Variants in ABLIM3 observed in about 807,000 individuals in gnomAD.
ABLIM3 encodes actin-binding LIM protein 3.
Under a neutral mutation model 109.5 loss-of-function variants are expected in ABLIM3, and 61 were observed. That is an observed-to-expected ratio of 0.56 (90% CI 0.45 to 0.69). ABLIM3 has a LOEUF of 0.69. Ranked by LOEUF, ABLIM3 falls within the 30% of genes least tolerant of loss-of-function variation. The pLI is 0.00. For missense variants in ABLIM3, 796 were observed against 889.5 expected (o/e 0.89, Z 1.34); for synonymous variants, 300 against 324.8 (o/e 0.92, Z 0.82).
chr5:149,255,653 G>A (rs1198225689), intron 23 of ABLIM3, among the ~76,000 whole-genome samples: 1 of 152,164 alleles, frequency 6.6e-6, no homozygotes, highest in East Asian at 1.9e-4. Flanking sequence ...AGAACTTTCT[G>A]GGCAGAGGGA....
intron 8 of ABLIM3, among the ~76,000 whole-genome samples, chr5:149,222,596 C>T (rs1760764053): frequency 6.6e-6 from 1 of 150,994 alleles, no homozygotes; most frequent in African/African-American, 2.4e-5. Flanking sequence ...GTCTCAAAAG[C>T]TTGTTTTGAT....
intron 8 of ABLIM3, chr5:149,220,145 G>A (rs1253696763): frequency 6.6e-6 from 1 of 152,058 alleles, no homozygotes; most frequent in Admixed American, 6.5e-5. Flanking sequence ...TATCTATTGA[G>A]GATCTACTGT....
In ABLIM3 at chr5:149,169,860, G is replaced by C. The variant is rs536973790; in HGVS notation, c.14-13592G>C. Among the ~76,000 whole-genome samples the C allele has an allele frequency of 2.0e-5, 3 of 152,300 alleles. No homozygotes were observed. In the South Asian group the frequency reaches 6.2e-4, roughly 32 times the overall value. ...TATCAGCATGAAGTGGTCCTGAAAT[G>C]TTTGTTTAATTTAAATTAATGGAAG... is the stretch of plus-strand genomic sequence containing the variant. On this transcript the variant is annotated intron_variant, in intron 2 of 23. Transcript: ENST00000309868.
rs112207566 is a variant in ABLIM3, at chr5:149,155,092, G to T, written c.13+12984G>T. Among the ~76,000 whole-genome samples, 242 of 152,278 alleles carry T rather than the reference G, an allele frequency of 1.6e-3. 1 individual carries two copies. The highest frequency in any genetic ancestry group is 5.7e-3 in the African/African-American group (239 of 41,580). On this transcript the variant is annotated intron_variant, in intron 2 of 23. Coordinates refer to ENST00000309868, the MANE Select transcript of ABLIM3 (RefSeq NM_014945.5). ...GGAAAATGAGATTCAAAGGTAAATT[G>T]CCTGGATAAAGTCACATGAGCTAGG...
At chr5:149,191,146 A>G (rs543167053) in intron 3 of ABLIM3, among the ~76,000 whole-genome samples, 2 of 152,336 alleles carry the variant, frequency 1.3e-5, no homozygotes, top group East Asian at 3.9e-4. Flanking sequence ...GCAAAAGTTG[A>G]TTCTTTAAAA....
chr5:149,183,429 T>C (rs979915687), intron 2 of ABLIM3, 23 bp from the exon 3 acceptor site: 2 of 1,501,414 alleles, frequency 1.3e-6, no homozygotes, highest in Non-Finnish European at 1.8e-6. Flanking sequence ...CTCTGGATAG[T>C]GATCTCTTTG....
At chr5:149,230,728 C>T in intron 9 of ABLIM3, 21 bp downstream of exon 9, 1 of 1,613,508 alleles carries the variant, frequency 6.2e-7, no homozygotes, top group Non-Finnish European at 8.5e-7. Flanking sequence ...TAGTAGATTC[C>T]AGACCAGCAC....
At chr5:149,210,134 A>C (rs1234225736) in intron 6 of ABLIM3, among the ~76,000 whole-genome samples, 1 of 152,162 alleles carries the variant, frequency 6.6e-6, no homozygotes, top group Non-Finnish European at 1.5e-5. Flanking sequence ...AATCATGGCC[A>C]TTCCTCCAGC....
chr5:149,251,928 T>G (rs918447437), intron 21 of ABLIM3, among the ~76,000 whole-genome samples: 3 of 152,224 alleles, frequency 2.0e-5, no homozygotes, highest in African/African-American at 4.8e-5. Flanking sequence ...TCTCAGATTC[T>G]TCTAATTTCT....
In ABLIM3 at chr5:149,200,379, C is replaced by T. The variant is rs376511147; in HGVS notation, c.399C>T (p.Cys133=). The T allele has an allele frequency of 1.9e-4, 300 of 1,614,094 alleles. No homozygotes were observed. The highest frequency in any genetic ancestry group is 2.5e-4 in the Non-Finnish European group (291 of 1,180,042). Residue 133 remains cysteine, a synonymous_variant, in exon 5 of 24, where the codon TGC becomes TGT. Coordinates refer to ENST00000309868, the MANE Select transcript of ABLIM3 (RefSeq NM_014945.5). ...FSGKECVCQT[C]SQSMASSKPI... is the part of the protein sequence containing the mutation. ...GTAAAGAATGTGTGTGCCAAACGTG[C>T]TCCCAGTCCATGGCCAGCAGTAAGC...
chr5:149,242,385 A>G (rs1345171858), intron 14 of ABLIM3, 106 bp from the exon 15 acceptor site: 2 of 1,163,278 alleles, frequency 1.7e-6, no homozygotes, highest in Non-Finnish European at 2.5e-6. Flanking sequence ...GTTGTTGCCC[A>G]TCTCTCTCTT....
At chr5:149,159,943 C>G (rs942039404) in intron 2 of ABLIM3, among the ~76,000 whole-genome samples, 2 of 152,152 alleles carry the variant, frequency 1.3e-5, no homozygotes, top group Admixed American at 1.3e-4. Context: ...ACAAACAGCC[C>G]TCTCCCATCC....
At position 149,207,117 on chromosome 5, in the gene ABLIM3, C is replaced by T. The variant is rs767404149; in HGVS notation, c.558C>T (p.Thr186=). 31 of 1,613,780 alleles carry T rather than the reference C, an allele frequency of 1.9e-5. No homozygotes were observed. Among genetic ancestry groups the T allele is most frequent in the Middle Eastern group, 1.7e-4 (1 of 6,056 alleles). ...FKCQTCSVIL[T]GEYISKDGVP... ...GCCAGACCTGCAGCGTCATCCTCAC[C>T]GGGGAGTATATCAGCAAGTGGGTCC... The change falls in exon 6 of 24, where the codon ACC becomes ACT. Residue 186 remains threonine (T), a synonymous_variant. Transcript: ENST00000309868.
At chr5:149,159,915 A>T (rs1047741859) in intron 2 of ABLIM3, among the ~76,000 whole-genome samples, 1 of 152,044 alleles carries the variant, frequency 6.6e-6, no homozygotes, top group Non-Finnish European at 1.5e-5. Context: ...TCTCATTTGT[A>T]CTTATCCCTG....
chr5:149,173,310 G>T (rs552699128), intron 2 of ABLIM3, among the ~76,000 whole-genome samples: 32 of 152,346 alleles, frequency 2.1e-4, no homozygotes, highest in African/African-American at 7.0e-4. Context: ...ACAAAAAGGG[G>T]CCTCCAGTAG....
chr5:149,162,507 T>G (rs1162843288), intron 2 of ABLIM3, among the ~76,000 whole-genome samples: 1 of 152,230 alleles, frequency 6.6e-6, no homozygotes, highest in Non-Finnish European at 1.5e-5. Context: ...GGATAGAGGC[T>G]TTGCTTCTTC....
intron 23 of ABLIM3, among the ~76,000 whole-genome samples, chr5:149,255,919 T>A (rs1056296892): frequency 6.6e-6 from 1 of 152,202 alleles, no homozygotes; most frequent in Non-Finnish European, 1.5e-5. Flanking sequence ...TTCACCCTCA[T>A]GGTATTCATG....
chr5:149,248,418 G>T (rs978756551), intron 18 of ABLIM3, among the ~76,000 whole-genome samples: 19 of 152,230 alleles, frequency 1.2e-4, no homozygotes, highest in African/African-American at 4.6e-4. Flanking sequence ...TTGGCTGGGC[G>T]CAGTGGCTCA....
chr5:149,223,659 C>G (rs1001376335), intron 8 of ABLIM3, among the ~76,000 whole-genome samples: 1 of 152,194 alleles, frequency 6.6e-6, no homozygotes, highest in African/African-American at 2.4e-5. Flanking sequence ...TGCAGTAGGA[C>G]AGAGGGCCTG....
Sources: gnomAD v4.1 joint callset for allele counts (sites outside exome capture counted in the v4.1 genomes callset) on GRCh38, gnomAD v4.1.1 for gene constraint, MANE v1.5 for transcripts, NCBI Gene and HGNC (gene_info 2026-07-23, HGNC 2026-07-21) for gene names.